The following PID1 variants were observed in gnomAD, a reference collection of about 807,000 sequenced individuals.
The protein encoded by PID1 is PTB-containing, cubilin and LRP1-interacting protein.
Under a neutral mutation model 19.1 loss-of-function variants are expected in PID1, and 10 were observed. The ratio of observed to expected loss-of-function variants is 0.52; its 90% CI spans 0.32 to 0.89. The LOEUF is 0.89. Ranked by LOEUF, PID1 falls within the 40% of genes least tolerant of loss-of-function variation. PID1 has a pLI of 0.03. For missense variants in PID1, 248 were observed against 285.3 expected, an observed-to-expected ratio of 0.87 and a Z score of 0.94; for synonymous variants, 130 against 116.0, an observed-to-expected ratio of 1.12 and a Z score of -0.78.
At chr2:229,028,989 A>T (rs1693485855) in intron 2 of PID1, among the ~76,000 whole-genome samples, 1 of 151,946 alleles carries the variant, frequency 6.6e-6, no homozygotes, top group East Asian at 1.9e-4. Context: ...TACTCCTACC[A>T]CTTGCTTACT....
At chr2:229,040,721 A>G (rs1055932572) in intron 2 of PID1, among the ~76,000 whole-genome samples, 11 of 152,248 alleles carry the variant, frequency 7.2e-5, no homozygotes, top group African/African-American at 2.2e-4. Flanking sequence ...ACATTTTAAC[A>G]CAGTATTTGG....
At chr2:229,233,800 G>A (rs528442301) in intron 1 of PID1, among the ~76,000 whole-genome samples, 1 of 152,254 alleles carries the variant, frequency 6.6e-6, no homozygotes, top group Middle Eastern at 3.4e-3. Flanking sequence ...CCTTGTGCTA[G>A]ATTTTCTATA....
At chr2:229,032,978 C>T (rs1288103884) in intron 2 of PID1, among the ~76,000 whole-genome samples, 1 of 152,184 alleles carries the variant, frequency 6.6e-6, no homozygotes, top group Non-Finnish European at 1.5e-5. Flanking sequence ...CTCCTTCCAA[C>T]TCATGAGTTT....
At chr2:229,220,779 A>C (rs1691950948) in intron 1 of PID1, among the ~76,000 whole-genome samples, 1 of 152,224 alleles carries the variant, frequency 6.6e-6, no homozygotes, top group African/African-American at 2.4e-5. Context: ...GTAAAATTAA[A>C]ACTAAATAAA....
intron 2 of PID1, among the ~76,000 whole-genome samples, chr2:229,153,528 C>T (rs189086359): frequency 3.4e-4 from 52 of 152,244 alleles, no homozygotes; most frequent in Admixed American, 4.6e-4. Flanking sequence ...TAGCTAGCCA[C>T]ACATACCGAG....
intron 2 of PID1, among the ~76,000 whole-genome samples, chr2:229,112,918 C>A (rs1193004854): frequency 3.9e-5 from 6 of 152,164 alleles, no homozygotes; most frequent in Admixed American, 2.6e-4. Context: ...ACAATGTTTT[C>A]ATTTTGCCTG....
intron 1 of PID1, among the ~76,000 whole-genome samples, chr2:229,232,788 AAT>A (rs3997299): frequency 0.019 from 2,612 of 139,770 alleles, 28 homozygotes; most frequent in Non-Finnish European, 0.025. Context: ...CACACACATA[AAT>A]ATATATATAT....
At chr2:229,097,910 A>G (rs1695002103) in intron 2 of PID1, among the ~76,000 whole-genome samples, 1 of 152,192 alleles carries the variant, frequency 6.6e-6, no homozygotes, top group African/African-American at 2.4e-5. Context: ...GATAGAGCAT[A>G]AGGTTTATCT....
rs1689861722 is a variant in PID1, at chr2:229,136,580, C to T, written c.177+19238G>A. 2.0e-5 allele frequency among the ~76,000 whole-genome samples: 3 copies of T among 152,192 alleles called. No homozygotes were observed. In the South Asian group the frequency reaches 6.2e-4, roughly 32 times the overall value. On this transcript the variant is annotated intron_variant, in intron 2 of 2. Transcript: ENST00000392055. ...ACATTAATGCCTCTAAACAAGTTAC[C>T]TACATATGAAAATAACTTCTGCTCT...
At chr2:229,195,912 G>A (rs1036402575) in intron 1 of PID1, among the ~76,000 whole-genome samples, 1 of 151,970 alleles carries the variant, frequency 6.6e-6, no homozygotes, top group African/African-American at 2.4e-5. Context: ...AGAATATATA[G>A]AACCCACATT....
At chr2:229,255,192 A>G in intron 1 of PID1, among the ~76,000 whole-genome samples, 1 of 152,216 alleles carries the variant, frequency 6.6e-6, no homozygotes, top group East Asian at 1.9e-4. Flanking sequence ...CCGTGCTTTC[A>G]TGAATCAAGT....
intron 1 of PID1, among the ~76,000 whole-genome samples, chr2:229,203,481 T>G (rs1401146530): frequency 6.0e-5 from 9 of 150,742 alleles, no homozygotes; most frequent in Non-Finnish European, 1.3e-4. Context: ...GGTTTTACTA[T>G]ACATCATTTC....
At chr2:229,174,941 T>C (rs1433700109) in intron 1 of PID1, among the ~76,000 whole-genome samples, 3 of 152,164 alleles carry the variant, frequency 2.0e-5, no homozygotes, top group South Asian at 2.1e-4. Flanking sequence ...CAGCTTCCAC[T>C]TGCTGAACAC....
At chr2:229,270,024 T>C (rs545510965) in intron 1 of PID1, among the ~76,000 whole-genome samples, 1 of 152,286 alleles carries the variant, frequency 6.6e-6, no homozygotes, top group South Asian at 2.1e-4. Flanking sequence ...GCTGTAAATG[T>C]TCATTGAGAA....
chr2:229,115,714 G>C (rs1695397249), intron 2 of PID1, among the ~76,000 whole-genome samples: 1 of 152,088 alleles, frequency 6.6e-6, no homozygotes, highest in South Asian at 2.1e-4. Flanking sequence ...TGACACACCA[G>C]GTGTGCCCCA....
At chr2:229,139,474 C>T (rs1033181196) in intron 2 of PID1, among the ~76,000 whole-genome samples, 2 of 152,184 alleles carry the variant, frequency 1.3e-5, no homozygotes, top group Admixed American at 6.6e-5. Flanking sequence ...ATCTTAGCAT[C>T]TTTATCCTCT....
At chr2:229,125,981 C>T (rs1016827284) in intron 2 of PID1, among the ~76,000 whole-genome samples, 4 of 152,112 alleles carry the variant, frequency 2.6e-5, no homozygotes, top group Non-Finnish European at 4.4e-5. Context: ...ACTTAGAGAG[C>T]AATAGAGGAT....
chr2:229,155,721 C>T, intron 2 of PID1, 97 bp downstream of exon 2: 1 of 1,115,464 alleles, frequency 9.0e-7, no homozygotes, highest in Admixed American at 2.5e-5. Context: ...TATTTTCATT[C>T]TTAAAAATGA....
chr2:229,255,842 C>T (rs1690276880), intron 1 of PID1, among the ~76,000 whole-genome samples: 1 of 152,134 alleles, frequency 6.6e-6, no homozygotes, highest in Non-Finnish European at 1.5e-5. Context: ...ACCCAGGAGA[C>T]AAGCAATGAC....
Sources: allele counts gnomAD v4.1 joint callset (sites outside exome capture counted in the v4.1 genomes callset), GRCh38; gene constraint gnomAD v4.1.1; transcripts MANE v1.5; gene names NCBI Gene and HGNC (gene_info 2026-07-23, HGNC 2026-07-21).